Variants in SOX5 observed in about 807,000 individuals in gnomAD.
The protein encoded by SOX5 is transcription factor SOX-5.
In SOX5, 9 loss-of-function variants were observed where a neutral mutation model predicts 92.0. The observed-to-expected ratio is 0.10, with a 90% CI of 0.06 to 0.17. SOX5 has a LOEUF of 0.17. Among genes scored for constraint, SOX5 ranks in the 10% least tolerant of loss-of-function variants. The pLI is 1.00. For missense variants in SOX5, 642 were observed against 944.5 expected, an observed-to-expected ratio of 0.68 and a Z score of 4.20; for synonymous variants, 344 against 336.3, an observed-to-expected ratio of 1.02 and a Z score of -0.25.
At chr12:23,869,283 G>A (rs1221016065) in intron 2 of SOX5, among the ~76,000 whole-genome samples, 1 of 152,138 alleles carries the variant, frequency 6.6e-6, no homozygotes, top group Non-Finnish European at 1.5e-5. Flanking sequence ...AAGACAAAAT[G>A]TAGTGCAGGT....
intron 2 of SOX5, among the ~76,000 whole-genome samples, chr12:24,363,716 GA>G (rs34955714): frequency 0.12 from 17,215 of 145,228 alleles, 1,097 homozygotes; most frequent in Non-Finnish European, 0.15. Context: ...GGAAGCACAT[GA>G]AAAAAAAAAA....
At chr12:24,303,137 T>C (rs559927555) in intron 2 of SOX5, among the ~76,000 whole-genome samples, 4 of 152,084 alleles carry the variant, frequency 2.6e-5, no homozygotes, top group Admixed American at 6.6e-5. Flanking sequence ...AACACAAATA[T>C]ATACCAAAAG....
intron 1 of SOX5, among the ~76,000 whole-genome samples, chr12:24,439,399 G>A (rs565857665): frequency 1.3e-5 from 2 of 152,128 alleles, no homozygotes; most frequent in South Asian, 2.1e-4. Flanking sequence ...GTATAGTTAT[G>A]CAGCTTCCTG....
rs757648262 is a variant in SOX5 at position 23,895,893 on chromosome 12, C to G, written c.170G>C (p.Ser57Thr). 3 of 1,614,138 alleles carry G rather than the reference C, an allele frequency of 1.9e-6. No individual in the cohort carries two copies. In the South Asian group the frequency reaches 3.3e-5, roughly 18 times the overall value. ...CTCAGAGTGAGGCTTGTTGGGAAAA[C>G]TCACATGCAAGGGAAGGTGAAAGGC... ...LPAFHLPLHV[S>T]FPNKPHSEEF... The change falls in exon 2 of 15, where the codon AGT becomes ACT. Residue 57 changes from serine (S) to threonine (T), a missense_variant. Ser to Thr is a moderately conservative substitution (Grantham distance 58). This residue lies in a region of SOX5 where 113 missense variants were observed against 117.7 expected (regional missense o/e 0.96). Coordinates refer to ENST00000451604, the MANE Select transcript of SOX5 (RefSeq NM_006940.6).
chr12:24,088,497 T>A (rs1944273809), intron 4 of SOX5, among the ~76,000 whole-genome samples: 1 of 152,068 alleles, frequency 6.6e-6, no homozygotes, highest in Non-Finnish European at 1.5e-5. Flanking sequence ...AAATATTGAT[T>A]GGTGAACAAG....
At chr12:24,294,077 T>A (rs1395794467) in intron 2 of SOX5, among the ~76,000 whole-genome samples, 3 of 152,186 alleles carry the variant, frequency 2.0e-5, no homozygotes, top group African/African-American at 7.2e-5. Context: ...GAAATACATG[T>A]GTTCGTAAGT....
At chr12:23,803,038 T>A (rs2095692450) in intron 3 of SOX5, among the ~76,000 whole-genome samples, 1 of 152,210 alleles carries the variant, frequency 6.6e-6, no homozygotes, top group Non-Finnish European at 1.5e-5. Flanking sequence ...TCACTAGGTA[T>A]TCTCTTGGAC....
chr12:24,037,009 C>T (rs1406671047), intron 4 of SOX5, among the ~76,000 whole-genome samples: 1 of 152,090 alleles, frequency 6.6e-6, no homozygotes, highest in African/African-American at 2.4e-5. Flanking sequence ...AAGTCACTCT[C>T]TTGTGAATTA....
chr12:24,293,818 A>G (rs1050284740), intron 2 of SOX5, among the ~76,000 whole-genome samples: 2 of 152,234 alleles, frequency 1.3e-5, no homozygotes, highest in Non-Finnish European at 2.9e-5. Flanking sequence ...AAACTATCAG[A>G]AAAGGGCTGT....
intron 4 of SOX5, among the ~76,000 whole-genome samples, chr12:23,969,629 T>C (rs1212015780): frequency 6.6e-6 from 1 of 152,244 alleles, no homozygotes; most frequent in Admixed American, 6.5e-5. Context: ...ACACTTCAAA[T>C]TTCAGTTCTA....
intron 3 of SOX5, among the ~76,000 whole-genome samples, chr12:23,835,847 G>C (rs949267155): frequency 6.6e-6 from 1 of 151,624 alleles, no homozygotes; most frequent in Non-Finnish European, 1.5e-5. Context: ...CCCTGACTTG[G>C]TCACTTTAAA....
chr12:23,650,603 T>C (rs1247538313), intron 7 of SOX5, among the ~76,000 whole-genome samples: 1 of 152,076 alleles, frequency 6.6e-6, no homozygotes, highest in Non-Finnish European at 1.5e-5. Flanking sequence ...GAGAAATTGG[T>C]GGGTGCCTTC....
intron 2 of SOX5, among the ~76,000 whole-genome samples, chr12:24,303,679 G>A (rs1289265085): frequency 6.6e-6 from 1 of 152,136 alleles, no homozygotes; most frequent in East Asian, 1.9e-4. Flanking sequence ...GCAGTGCTCA[G>A]TAACACATCA....
At chr12:24,521,544 A>G (rs1566377938) in intron 1 of SOX5, among the ~76,000 whole-genome samples, 1 of 152,240 alleles carries the variant, frequency 6.6e-6, no homozygotes, top group East Asian at 1.9e-4. Context: ...TAGAGGACAG[A>G]TCACATGTTA....
chr12:24,375,345 GAAATGGA>G (rs1957151032), intron 1 of SOX5, among the ~76,000 whole-genome samples: 3 of 152,078 alleles, frequency 2.0e-5, no homozygotes, highest in Admixed American at 6.5e-5. Flanking sequence ...CCTGAACGGG[GAAATGGA>G]AAAACTAATA....
At chr12:24,455,760 C>T (rs1057273450) in intron 1 of SOX5, among the ~76,000 whole-genome samples, 2 of 152,120 alleles carry the variant, frequency 1.3e-5, no homozygotes, top group African/African-American at 2.4e-5. Flanking sequence ...GTGCTGTGCC[C>T]CTGGATGTCC....
chr12:23,666,239 T>G (rs2083781815), intron 6 of SOX5, among the ~76,000 whole-genome samples: 1 of 152,154 alleles, frequency 6.6e-6, no homozygotes, highest in Non-Finnish European at 1.5e-5. Flanking sequence ...GTACAACATT[T>G]TTGCCTGCAT....
intron 2 of SOX5, among the ~76,000 whole-genome samples, chr12:23,864,289 AT>A (rs955221401): frequency 3.9e-5 from 6 of 152,086 alleles, no homozygotes; most frequent in Admixed American, 2.0e-4. Context: ...GGGCGTCCCT[AT>A]TATCTGAGAC....
chr12:23,665,369 G>A, intron 7 of SOX5, 75 bp downstream of exon 7: 1 of 1,488,244 alleles, frequency 6.7e-7, no homozygotes, highest in Admixed American at 1.7e-5. Flanking sequence ...TTCTTGGTGT[G>A]GCAGGAATAT....
Sources: gnomAD v4.1 joint callset for allele counts (sites outside exome capture counted in the v4.1 genomes callset) on GRCh38, gnomAD v4.1.1 for gene constraint, gnomAD v4.1.1 regional missense constraint, MANE v1.5 for transcripts, NCBI Gene and HGNC (gene_info 2026-07-23, HGNC 2026-07-21) for gene names.